ARHGAP15: variants seen among roughly 807,000 people sequenced by gnomAD.
The protein encoded by ARHGAP15 is Rho GTPase activating protein 15, also known as rho GTPase-activating protein 15.
In ARHGAP15, 51 loss-of-function variants were observed where a neutral mutation model predicts 63.7. The ratio of observed to expected loss-of-function variants is 0.80; its 90% CI spans 0.64 to 1.01. The LOEUF is 1.01. ARHGAP15 is among the 50% of genes least tolerant of loss of function. The pLI is 0.00. For missense variants in ARHGAP15, 560 were observed against 564.6 expected, an observed-to-expected ratio of 0.99 and a Z score of 0.08; for synonymous variants, 191 against 193.8, an observed-to-expected ratio of 0.99 and a Z score of 0.12.
chr2:143,408,434 A>G (rs1202383546), intron 6 of ARHGAP15, among the ~76,000 whole-genome samples: 4 of 151,700 alleles, frequency 2.6e-5, no homozygotes, highest in Admixed American at 6.6e-5. Flanking sequence ...TAGGCTGCAT[A>G]TATCTAAGCC....
At chr2:143,612,526 A>T (rs769690323) in intron 11 of ARHGAP15, among the ~76,000 whole-genome samples, 2 of 152,172 alleles carry the variant, frequency 1.3e-5, no homozygotes, top group Admixed American at 6.5e-5. Flanking sequence ...TGTGTGGGAG[A>T]CGTTTCATCT....
chr2:143,545,419 G>A (rs181295996), intron 10 of ARHGAP15, among the ~76,000 whole-genome samples: 3 of 152,296 alleles, frequency 2.0e-5, no homozygotes, highest in Admixed American at 6.5e-5. Context: ...CTTCAGGGCA[G>A]AGTTAGGCCT....
chr2:143,337,933 TTAG>T (rs1246571029), intron 6 of ARHGAP15, among the ~76,000 whole-genome samples: 1 of 152,206 alleles, frequency 6.6e-6, no homozygotes, highest in South Asian at 2.1e-4. Flanking sequence ...TATAGTACTG[TTAG>T]ACATCTTAAA....
intron 13 of ARHGAP15, among the ~76,000 whole-genome samples, chr2:143,720,460 A>C (rs989137421): frequency 1.3e-5 from 2 of 152,046 alleles, no homozygotes; most frequent in Non-Finnish European, 2.9e-5. Flanking sequence ...CGCAACCGAG[A>C]CTCCATCAGA....
intron 12 of ARHGAP15, among the ~76,000 whole-genome samples, chr2:143,636,665 A>G (rs1230101977): frequency 1.3e-5 from 2 of 152,100 alleles, no homozygotes; most frequent in Non-Finnish European, 2.9e-5. Flanking sequence ...AAAACACTTA[A>G]AGTGTAACCC....
At chr2:143,365,012 A>AAAATAAAT (rs34729404) in intron 6 of ARHGAP15, among the ~76,000 whole-genome samples, 2,378 of 151,560 alleles carry the variant, frequency 0.016, 27 homozygotes, top group Middle Eastern at 0.092. Flanking sequence ...TGTGGGAAAT[A>AAAATAAAT]AAATAAATAA....
At chr2:143,744,056 A>G (rs752012753) in intron 13 of ARHGAP15, among the ~76,000 whole-genome samples, 4 of 152,240 alleles carry the variant, frequency 2.6e-5, no homozygotes, top group Non-Finnish European at 5.9e-5. Context: ...TAACAGTCAC[A>G]TCACAATTGT....
intron 8 of ARHGAP15, among the ~76,000 whole-genome samples, chr2:143,478,554 T>C (rs1691929390): frequency 6.6e-6 from 1 of 152,182 alleles, no homozygotes; most frequent in South Asian, 2.1e-4. Flanking sequence ...TGCCACTGAT[T>C]TGCTACTTGG....
chr2:143,381,846 A>AT (rs150118770), intron 6 of ARHGAP15, among the ~76,000 whole-genome samples: 2 of 152,150 alleles, frequency 1.3e-5, no homozygotes, highest in African/African-American at 2.4e-5. Flanking sequence ...GGTATGTTAG[A>AT]TTTTTTAAAA....
intron 10 of ARHGAP15, 105 bp from the exon 11 acceptor site, chr2:143,556,303 T>A: frequency 1.2e-6 from 1 of 849,324 alleles, no homozygotes; most frequent in Non-Finnish European, 1.8e-6. Flanking sequence ...ATTGGTTTTA[T>A]CTGAGAAGAA....
intron 11 of ARHGAP15, among the ~76,000 whole-genome samples, chr2:143,560,146 C>T (rs1373946016): frequency 1.3e-5 from 2 of 152,162 alleles, no homozygotes; most frequent in African/African-American, 2.4e-5. Context: ...TTCTATTTGA[C>T]TTACTAAATC....
At chr2:143,425,102 T>C (rs1311425905) in intron 6 of ARHGAP15, among the ~76,000 whole-genome samples, 1 of 152,144 alleles carries the variant, frequency 6.6e-6, no homozygotes, top group African/African-American at 2.4e-5. Flanking sequence ...TTTTTAAAAG[T>C]CTAGCATCTT....
intron 6 of ARHGAP15, among the ~76,000 whole-genome samples, chr2:143,393,920 T>C (rs1413907097): frequency 6.6e-6 from 1 of 152,066 alleles, no homozygotes; most frequent in Non-Finnish European, 1.5e-5. Context: ...TACTTCTCAG[T>C]AAACATTTGT....
intron 6 of ARHGAP15, among the ~76,000 whole-genome samples, chr2:143,421,207 C>A (rs540619359): frequency 6.6e-6 from 1 of 152,100 alleles, no homozygotes; most frequent in African/African-American, 2.4e-5. Context: ...AAGCCAAATT[C>A]TGAAGAACCA....
At chr2:143,211,279 G>T (rs1002322382) in intron 3 of ARHGAP15, among the ~76,000 whole-genome samples, 2 of 145,712 alleles carry the variant, frequency 1.4e-5, no homozygotes, top group Non-Finnish European at 3.0e-5. Context: ...ATAAATAAAA[G>T]CAATAGAAAA....
At chr2:143,634,482 A>G (rs1680206422) in intron 12 of ARHGAP15, among the ~76,000 whole-genome samples, 1 of 152,184 alleles carries the variant, frequency 6.6e-6, no homozygotes, top group Admixed American at 6.6e-5. Context: ...ACTTATTTAC[A>G]GAATCCCTGG....
intron 5 of ARHGAP15, among the ~76,000 whole-genome samples, chr2:143,231,883 G>A (rs1034773500): frequency 1.3e-5 from 2 of 152,158 alleles, no homozygotes; most frequent in African/African-American, 2.4e-5. Flanking sequence ...GAGAGCAGAC[G>A]TTCGTGTCTT....
Position 143,205,376 on chromosome 2 carries a change from TA to T in ARHGAP15, c.234+3175del, listed in dbSNP as rs527404837. Among the ~76,000 whole-genome samples the T allele has an allele frequency of 6.9e-4, 105 of 152,116 alleles. No homozygotes were observed. In the Middle Eastern group the frequency reaches 0.01, roughly 15 times the overall value. On this transcript the variant is annotated intron_variant, in intron 3 of 13. Transcript: ENST00000295095. The stretch of plus-strand genomic sequence containing the variant: ...CTATAGACCTTACCACCAGATGGCA[TA>T]CTACAGCATTTATTTTTGTTAAGTT...
At chr2:143,729,701 T>C (rs899403058) in intron 13 of ARHGAP15, among the ~76,000 whole-genome samples, 31 of 152,276 alleles carry the variant, frequency 2.0e-4, no homozygotes, top group African/African-American at 7.2e-4. Context: ...CACATCCTGC[T>C]CTCTCTACAA....
Sources: allele counts gnomAD v4.1 joint callset (sites outside exome capture counted in the v4.1 genomes callset), GRCh38; gene constraint gnomAD v4.1.1; transcripts MANE v1.5; gene names NCBI Gene and HGNC (gene_info 2026-07-23, HGNC 2026-07-21).